PIR: variants seen among roughly 807,000 people sequenced by gnomAD.
PIR encodes the protein pirin.
PIR carries 22 observed loss-of-function variants against 24.2 expected under a neutral mutation model. The ratio of observed to expected loss-of-function variants is 0.91; its 90% CI spans 0.65 to 1.30. The LOEUF (loss-of-function observed/expected upper bound fraction) is 1.30. PIR is among the 50% of genes most tolerant of loss of function. PIR has a pLI of 0.00. For missense variants in PIR, 220 were observed against 220.3 expected (o/e 1.00, Z 0.01); for synonymous variants, 80 against 79.6 (o/e 1.00, Z -0.03).
chrX:15,393,577 G>A (rs1924028963), intron 8 of PIR, among the ~76,000 whole-genome samples: 1 of 110,525 alleles, frequency 9.0e-6, no homozygotes, highest in Non-Finnish European at 1.9e-5. Context: ...ACTCCCCACT[G>A]CTCGAATTAC....
chrX:15,428,040 C>T (rs1389488341), intron 5 of PIR, among the ~76,000 whole-genome samples: 1 of 111,353 alleles, frequency 9.0e-6, no homozygotes, highest in Non-Finnish European at 1.9e-5. Context: ...TGAATGTCTC[C>T]AATTGAAGCT....
At chrX:15,475,331 C>T (rs1353992982) in intron 3 of PIR, among the ~76,000 whole-genome samples, 1 of 111,437 alleles carries the variant, frequency 9.0e-6, no homozygotes, top group Non-Finnish European at 1.9e-5. Context: ...CTTGCTGAGG[C>T]TTGTAGTGAA....
At chrX:15,458,927 G>A (rs1043156733) in intron 4 of PIR, among the ~76,000 whole-genome samples, 1 of 112,332 alleles carries the variant, frequency 8.9e-6, no homozygotes, top group African/African-American at 3.2e-5. Context: ...TTTTTGCCAT[G>A]ACTTTTTTCT....
At chrX:15,467,577 T>C (rs989168582) in intron 3 of PIR, among the ~76,000 whole-genome samples, 2 of 112,213 alleles carry the variant, frequency 1.8e-5, no homozygotes, top group Admixed American at 1.9e-4. Flanking sequence ...AGTAGGTTTA[T>C]GGAAGATCCC....
At chrX:15,411,786 C>G (rs751593689) in intron 6 of PIR, among the ~76,000 whole-genome samples, 1 of 111,511 alleles carries the variant, frequency 9.0e-6, no homozygotes, top group East Asian at 2.8e-4. Flanking sequence ...TTCTTCCCTC[C>G]CGCTCCTCCT....
Position 15,482,181 on chromosome X carries a change from G to T in PIR, c.97-2360C>A, listed in dbSNP as rs772080814. ...AATGAATATTTGGTAGTAACATTTC[G>T]ACCAACAACCATTAGCAAATAAGAA... On this transcript the variant is annotated intron_variant, in intron 2 of 9. Transcript: ENST00000380420. Among the ~76,000 whole-genome samples the T allele has an allele frequency of 5.4e-5, 6 of 111,649 alleles. No individual in the cohort carries two copies. The East Asian group carries it at 1.7e-3, about 31-fold the overall frequency.
At chrX:15,482,469 T>A (rs915477185) in intron 2 of PIR, among the ~76,000 whole-genome samples, 18 of 43,116 alleles carry the variant, frequency 4.2e-4, no homozygotes, top group African/African-American at 2.0e-3. Context: ...TAAACATGAA[T>A]GGATGTTGAA....
chrX:15,456,571 C>T (rs1921092960), intron 4 of PIR, among the ~76,000 whole-genome samples: 1 of 112,463 alleles, frequency 8.9e-6, no homozygotes, highest in South Asian at 3.7e-4. Context: ...AAACCATTGA[C>T]TGTGGGCCAT....
At chrX:15,468,302 G>A (rs1411494249) in intron 3 of PIR, among the ~76,000 whole-genome samples, 2 of 112,627 alleles carry the variant, frequency 1.8e-5, no homozygotes, top group African/African-American at 6.4e-5. Context: ...AAGACTGTGT[G>A]TCACTGTGGC....
chrX:15,473,348 T>C (rs902601478), intron 3 of PIR, among the ~76,000 whole-genome samples: 1 of 111,419 alleles, frequency 9.0e-6, no homozygotes, highest in African/African-American at 3.3e-5. Context: ...CAAAGAATTA[T>C]GCATCCAAAA....
chrX:15,440,886 A>C (rs1301451440), intron 5 of PIR, among the ~76,000 whole-genome samples: 1 of 111,601 alleles, frequency 9.0e-6, no homozygotes, highest in Non-Finnish European at 1.9e-5. Flanking sequence ...TTGTTCTCCC[A>C]ACTATGTTAA....
intron 9 of PIR, among the ~76,000 whole-genome samples, chrX:15,387,257 G>C (rs951761390): frequency 9.4e-6 from 1 of 106,523 alleles, no homozygotes; most frequent in Non-Finnish European, 1.9e-5. Flanking sequence ...CACCATGCCC[G>C]GCTAAATTTT....
At chrX:15,438,519 A>T (rs892369729) in intron 5 of PIR, among the ~76,000 whole-genome samples, 1 of 112,130 alleles carries the variant, frequency 8.9e-6, no homozygotes, top group Non-Finnish European at 1.9e-5. Flanking sequence ...CTATATGTGT[A>T]ACCCTAGGCA....
Position 15,461,669 on chromosome X carries a change from G to A in PIR, c.190-1929C>T, listed in dbSNP as rs906274984. ...GTGGTGGCAGGCGCCTGTAATCCCA[G>A]CTACTGGGGAGGCTGAAGCAGGAGA... On this transcript the variant is annotated intron_variant, in intron 3 of 9. Transcript: ENST00000380420. 1.3e-4 allele frequency among the ~76,000 whole-genome samples: 14 copies of A among 111,578 alleles called. No individual in the cohort carries two copies. The East Asian group carries it at 3.9e-3, about 31-fold the overall frequency.
chrX:15,430,217 T>G (rs1489960131), intron 5 of PIR, among the ~76,000 whole-genome samples: 1 of 108,567 alleles, frequency 9.2e-6, no homozygotes, highest in African/African-American at 3.3e-5. Context: ...AGTGAATTTG[T>G]TTTTTTTTCC....
At chrX:15,454,732 T>A (rs1238198216) in intron 5 of PIR, among the ~76,000 whole-genome samples, 1 of 111,659 alleles carries the variant, frequency 9.0e-6, no homozygotes, top group Non-Finnish European at 1.9e-5. Flanking sequence ...GCAGAGTAAC[T>A]CCCACTATCT....
In PIR at chrX:15,491,389, T is replaced by G. The variant is rs113708476; in HGVS notation, c.-52-80A>C. ...ACTACAAAATAAATGATATTAAGAT[T>G]AGATGCGCAAAATAGTAGCAGCTAC... On this transcript the variant is annotated intron_variant, in intron 1 of 9. Coordinates refer to ENST00000380420, the MANE Select transcript of PIR (RefSeq NM_001018109.3). The G allele has an allele frequency of 8.2e-3, 3,549 of 434,865 alleles. 95 individuals carry two copies. Among genetic ancestry groups the G allele is most frequent in the African/African-American group, 0.074 (2,978 of 40,117 alleles). 35.8% of individuals were successfully genotyped at this position (434,865 alleles called of 1,213,427 possible).
chrX:15,404,244 G>T (rs1333413029), intron 7 of PIR, among the ~76,000 whole-genome samples: 1 of 111,261 alleles, frequency 9.0e-6, no homozygotes, highest in East Asian at 2.8e-4. Flanking sequence ...CAAGTGATCT[G>T]CCTGCCTCAG....
intron 6 of PIR, among the ~76,000 whole-genome samples, chrX:15,410,212 C>G (rs745646354): frequency 4.5e-5 from 5 of 110,937 alleles, no homozygotes; most frequent in Admixed American, 3.8e-4. Flanking sequence ...GATCTCGCCA[C>G]AGCACTCCAG....
Sources: allele counts gnomAD v4.1 joint callset (sites outside exome capture counted in the v4.1 genomes callset), GRCh38; gene constraint gnomAD v4.1.1; transcripts MANE v1.5; gene names NCBI Gene and HGNC (gene_info 2026-07-23, HGNC 2026-07-21).